ZDHHC21: variants seen among roughly 807,000 people sequenced by gnomAD.
ZDHHC21 encodes palmitoyltransferase ZDHHC21.
A neutral mutation model predicts 34.6 loss-of-function variants in ZDHHC21; 15 were observed. That is an observed-to-expected ratio of 0.43 (90% CI 0.29 to 0.67). The LOEUF (loss-of-function observed/expected upper bound fraction) is 0.67, where lower values mean the gene tolerates loss of function less well. Ranked by LOEUF, ZDHHC21 falls within the 30% of genes least tolerant of loss-of-function variation. The pLI is 0.14. For missense variants in ZDHHC21, 344 were observed against 327.7 expected, an observed-to-expected ratio of 1.05 and a Z score of -0.38; for synonymous variants, 142 against 101.8, an observed-to-expected ratio of 1.40 and a Z score of -2.38.
At chr9:14,649,160 G>C (rs1230262103) in intron 7 of ZDHHC21, among the ~76,000 whole-genome samples, 2 of 152,000 alleles carry the variant, frequency 1.3e-5, no homozygotes, top group Non-Finnish European at 2.9e-5. Context: ...GTGGGGGAAA[G>C]TCAACCTCCT....
At chr9:14,591,391 C>T in the ZDHHC21 span, among the ~76,000 whole-genome samples, 3 of 152,196 alleles carry the variant, frequency 2.0e-5, no homozygotes, top group South Asian at 6.2e-4. Context: ...GTCCCTTCTG[C>T]CACTGAGAAT....
chr9:14,673,966 G>A (rs112298456), intron 4 of ZDHHC21, among the ~76,000 whole-genome samples: 3 of 152,080 alleles, frequency 2.0e-5, no homozygotes, highest in African/African-American at 7.2e-5. Flanking sequence ...TGGTCTTCAT[G>A]CACTTTGCAG....
At chr9:14,605,515 C>T in the ZDHHC21 span, among the ~76,000 whole-genome samples, 1 of 152,178 alleles carries the variant, frequency 6.6e-6, no homozygotes, top group African/African-American at 2.4e-5. Flanking sequence ...GTCCTTTGCC[C>T]ATTATTTAAT....
chr9:14,642,452 T>C (rs2133738379), intron 7 of ZDHHC21, among the ~76,000 whole-genome samples: 1 of 152,322 alleles, frequency 6.6e-6, no homozygotes, highest in South Asian at 2.1e-4. Flanking sequence ...TGTTATGGGC[T>C]CAATTAGGTC....
intron 8 of ZDHHC21, among the ~76,000 whole-genome samples, chr9:14,625,015 A>G (rs1325816995): frequency 6.6e-6 from 1 of 152,030 alleles, no homozygotes; most frequent in Admixed American, 6.6e-5. Flanking sequence ...TTTATCTATT[A>G]CTAATTTATA....
rs191047243 is a variant in ZDHHC21, at chr9:14,678,920, G to A, written c.-46+1113C>T. ...ACATACTGCTGAGTGAATAAAGCAAGTGATATAGGCAAAATCCATTAGGAG... is the reference window on the plus strand; with the variant it reads ...ACATACTGCTGAGTGAATAAAGCAAATGATATAGGCAAAATCCATTAGGAG... On this transcript the variant is annotated intron_variant, in intron 3 of 9. Coordinates refer to ENST00000380916, the MANE Select transcript of ZDHHC21 (RefSeq NM_178566.6). 5.9e-5 allele frequency among the ~76,000 whole-genome samples: 9 copies of A among 152,146 alleles called. No individual in the cohort carries two copies. In the East Asian group the frequency reaches 1.7e-3, roughly 29 times the overall value.
At chr9:14,646,625 T>C (rs1395962101) in intron 7 of ZDHHC21, among the ~76,000 whole-genome samples, 5 of 152,064 alleles carry the variant, frequency 3.3e-5, no homozygotes, top group Non-Finnish European at 7.4e-5. Flanking sequence ...TTCTCAGACA[T>C]AGCTAGCGAA....
chr9:14,649,058 G>C (rs909376539), intron 7 of ZDHHC21, among the ~76,000 whole-genome samples: 4 of 151,794 alleles, frequency 2.6e-5, no homozygotes, highest in Non-Finnish European at 5.9e-5. Flanking sequence ...AGAACATTTA[G>C]CAGAATCCCT....
intron 8 of ZDHHC21, among the ~76,000 whole-genome samples, chr9:14,624,077 A>G (rs1405093239): frequency 6.6e-6 from 1 of 152,090 alleles, no homozygotes; most frequent in Non-Finnish European, 1.5e-5. Context: ...CATGGATCGA[A>G]AATACTTTAA....
chr9:14,649,499 A>T lies in ZDHHC21; in HGVS notation c.504+9250T>A, dbSNP rs1246488856. On this transcript the variant is annotated intron_variant, in intron 7 of 9. Transcript: ENST00000380916. ...ATGACCCTTAGCTAAAGTTTATTAT[A>T]TTCTAAAACATAAGAAAAGAAGTTA... 2.0e-5 allele frequency among the ~76,000 whole-genome samples: 3 copies of T among 152,078 alleles called. No homozygotes were observed. The East Asian group carries it at 5.8e-4, about 29-fold the overall frequency.
chr9:14,636,555 A>C (rs1828345570), intron 8 of ZDHHC21, among the ~76,000 whole-genome samples: 1 of 152,168 alleles, frequency 6.6e-6, no homozygotes, highest in African/African-American at 2.4e-5. Flanking sequence ...GACCAACTGG[A>C]CCTAATAGAT....
Position 14,687,797 on chromosome 9 carries a change from G to T in ZDHHC21, c.-176+2540C>A, listed in dbSNP as rs916969226. On this transcript the variant is annotated intron_variant, in intron 2 of 9. Transcript: ENST00000380916. ...CATTAAATATTTTTAATATTGCTAC[G>T]CCTGAAAGAATACAATCTAACAATT... Among the ~76,000 whole-genome samples, 8 of 150,756 alleles carry T rather than the reference G, an allele frequency of 5.3e-5. 1 individual carries two copies. Among genetic ancestry groups the T allele is most frequent in the Non-Finnish European group, 8.8e-5 (6 of 68,024 alleles).
intron 9 of ZDHHC21, 128 bp from the exon 10 acceptor site, chr9:14,619,226 C>A: frequency 2.9e-6 from 3 of 1,029,678 alleles, no homozygotes; most frequent in Non-Finnish European, 4.0e-6. Flanking sequence ...ATCATAAATA[C>A]AGCTTTTCTT....
intron 8 of ZDHHC21, among the ~76,000 whole-genome samples, chr9:14,632,918 T>C (rs922089255): frequency 2.6e-5 from 4 of 152,054 alleles, no homozygotes; most frequent in Non-Finnish European, 4.4e-5. Flanking sequence ...GTAATAACAA[T>C]TGTCACCAAG....
the ZDHHC21 span, among the ~76,000 whole-genome samples, chr9:14,592,694 AC>A: frequency 6.6e-6 from 1 of 152,280 alleles, no homozygotes; most frequent in African/African-American, 2.4e-5. Flanking sequence ...GAATACTGTA[AC>A]CTACTACTAT....
chr9:14,664,314 G>A (rs1389305237), intron 5 of ZDHHC21, among the ~76,000 whole-genome samples: 4 of 152,084 alleles, frequency 2.6e-5, no homozygotes, highest in South Asian at 2.1e-4. Flanking sequence ...CTTAAGAAAC[G>A]GCGCACCACG....
intron 8 of ZDHHC21, among the ~76,000 whole-genome samples, chr9:14,622,908 T>G (rs1037016325): frequency 5.3e-5 from 8 of 152,186 alleles, no homozygotes; most frequent in Middle Eastern, 6.8e-3. Context: ...ATCCCCTGCA[T>G]TCTTTATTAT....
At chr9:14,605,501 T>A in the ZDHHC21 span, among the ~76,000 whole-genome samples, 1 of 152,206 alleles carries the variant, frequency 6.6e-6, no homozygotes, top group Non-Finnish European at 1.5e-5. Context: ...AAATATCTAT[T>A]AAAGTCCTTT....
chr9:14,633,997 C>G (rs910409901), intron 8 of ZDHHC21, among the ~76,000 whole-genome samples: 6 of 152,170 alleles, frequency 3.9e-5, no homozygotes, highest in Admixed American at 3.9e-4. Flanking sequence ...TAGGTCTCCC[C>G]AACCCCAAAC....
Sources: gnomAD v4.1 joint callset for allele counts (sites outside exome capture counted in the v4.1 genomes callset) on GRCh38, gnomAD v4.1.1 for gene constraint, MANE v1.5 for transcripts, NCBI Gene and HGNC (gene_info 2026-07-23, HGNC 2026-07-21) for gene names.